The following RAPGEF5 variants were observed in gnomAD, a reference collection of about 807,000 sequenced individuals.
The protein encoded by RAPGEF5 is Rap guanine nucleotide exchange factor 5, also known as M-Ras-regulated GEF.
RAPGEF5 carries 65 observed loss-of-function variants against 125.2 expected under a neutral mutation model. That is an observed-to-expected ratio of 0.52 (90% confidence interval 0.43 to 0.64). The LOEUF (loss-of-function observed/expected upper bound fraction) is 0.64. Ranked by LOEUF, RAPGEF5 falls within the 30% of genes least tolerant of loss-of-function variation. The pLI is 0.00. For synonymous variants in RAPGEF5, 391 were observed against 385.9 expected (o/e 1.01, Z -0.16); for missense variants, 958 against 1,048.1 (o/e 0.91, Z 1.19).
chr7:22,344,638 T>G (rs576953816), intron 1 of RAPGEF5, among the ~76,000 whole-genome samples: 1 of 152,166 alleles, frequency 6.6e-6, no homozygotes, highest in African/African-American at 2.4e-5. Flanking sequence ...GTGATGAACA[T>G]CCACAAAGGC....
At chr7:22,263,572 A>G (rs1049130933) in intron 7 of RAPGEF5, among the ~76,000 whole-genome samples, 10 of 152,092 alleles carry the variant, frequency 6.6e-5, no homozygotes, top group Non-Finnish European at 1.2e-4. Flanking sequence ...TCTACTAAAA[A>G]TACAAAAATT....
At chr7:22,352,907 G>A (rs1030855528) in intron 1 of RAPGEF5, among the ~76,000 whole-genome samples, 8 of 152,148 alleles carry the variant, frequency 5.3e-5, no homozygotes, top group East Asian at 1.9e-4. Context: ...AGGCTACAAC[G>A]ATCTGTGATA....
In RAPGEF5 at chr7:22,232,291, T is replaced by C. The variant is rs1786077081; in HGVS notation, c.797-1372A>G. ...TGAGGTCACCCACTGTACTTATTGA[T>C]TCAGTTTACATTATTCTGTGTGCTT... On this transcript the variant is annotated intron_variant, in intron 7 of 25. Coordinates refer to ENST00000665637, the MANE Select transcript of RAPGEF5 (RefSeq NM_012294.5). 2.0e-5 allele frequency among the ~76,000 whole-genome samples: 3 copies of C among 151,332 alleles called. No individual in the cohort carries two copies. The South Asian group carries it at 6.3e-4, about 32-fold the overall frequency.
intron 13 of RAPGEF5, among the ~76,000 whole-genome samples, chr7:22,160,996 A>C (rs1783972195): frequency 6.6e-6 from 1 of 150,880 alleles, no homozygotes; most frequent in South Asian, 2.1e-4. Context: ...GGAGATCGAG[A>C]CCATCATGCC....
chr7:22,345,869 G>A (rs1251555165), intron 1 of RAPGEF5, among the ~76,000 whole-genome samples: 3 of 152,136 alleles, frequency 2.0e-5, no homozygotes, highest in Non-Finnish European at 4.4e-5. Flanking sequence ...TCTGTTTATG[G>A]CCAAACAAAC....
At chr7:22,217,834 G>A (rs1380102408) in intron 9 of RAPGEF5, among the ~76,000 whole-genome samples, 2 of 152,126 alleles carry the variant, frequency 1.3e-5, no homozygotes, top group Admixed American at 1.3e-4. Flanking sequence ...AAATGTTAGT[G>A]TTCTGTTTTA....
intron 7 of RAPGEF5, among the ~76,000 whole-genome samples, chr7:22,246,457 A>C (rs1404082782): frequency 6.6e-6 from 1 of 152,264 alleles, no homozygotes; most frequent in Middle Eastern, 3.4e-3. Flanking sequence ...TGACAAAATC[A>C]ACAAAAATAA....
At chr7:22,265,466 A>AT (rs1170771977) in intron 7 of RAPGEF5, among the ~76,000 whole-genome samples, 4 of 152,184 alleles carry the variant, frequency 2.6e-5, no homozygotes, top group Admixed American at 6.5e-5. Flanking sequence ...ATAATATTTC[A>AT]TTGTGTATAC....
At chr7:22,350,885 G>C (rs1165053924) in intron 1 of RAPGEF5, among the ~76,000 whole-genome samples, 2 of 152,170 alleles carry the variant, frequency 1.3e-5, no homozygotes, top group Non-Finnish European at 2.9e-5. Context: ...GATCAGGATA[G>C]TAGTTTGTCA....
intron 1 of RAPGEF5, among the ~76,000 whole-genome samples, chr7:22,326,769 T>C (rs1349243441): frequency 6.6e-6 from 1 of 152,136 alleles, no homozygotes; most frequent in Non-Finnish European, 1.5e-5. Context: ...GGTACAAAGT[T>C]CTAATTATAC....
chr7:22,171,647 C>T (rs931624009), intron 11 of RAPGEF5, among the ~76,000 whole-genome samples: 16 of 152,202 alleles, frequency 1.1e-4, no homozygotes, highest in Admixed American at 3.3e-4. Flanking sequence ...TACAGGTGTG[C>T]GCTACCACGC....
At chr7:22,160,666 G>C in intron 13 of RAPGEF5, 51 bp from the exon 14 acceptor site, 17 of 1,497,578 alleles carry the variant, frequency 1.1e-5, no homozygotes, top group Non-Finnish European at 1.5e-5. Flanking sequence ...CCATTTTGTA[G>C]GGATTAAGAC....
chr7:22,226,463 C>A (rs1444302692), intron 8 of RAPGEF5, among the ~76,000 whole-genome samples: 1 of 151,932 alleles, frequency 6.6e-6, no homozygotes, highest in Non-Finnish European at 1.5e-5. Flanking sequence ...AGTTCATAGT[C>A]AAAAAATAAT....
Position 22,291,877 on chromosome 7 carries a change from G to T in RAPGEF5, c.681-636C>A, listed in dbSNP as rs1782944310. Among the ~76,000 whole-genome samples, 5 of 151,958 alleles carry T rather than the reference G, an allele frequency of 3.3e-5. No individual in the cohort carries two copies. In the South Asian group the frequency reaches 1.0e-3, roughly 32 times the overall value. On this transcript the variant is annotated intron_variant, in intron 5 of 25. Coordinates refer to ENST00000665637, the MANE Select transcript of RAPGEF5 (RefSeq NM_012294.5). ...TCAGTTTGTTTGTTTGTTTGTTTGG[G>T]GAAAACAATCTTTTTAACTTAATTC...
chr7:22,190,276 G>T (rs1011902663), intron 11 of RAPGEF5, among the ~76,000 whole-genome samples: 25 of 152,094 alleles, frequency 1.6e-4, no homozygotes, highest in African/African-American at 5.8e-4. Context: ...CGTCTCAAAA[G>T]AAAGAAATTC....
At chr7:22,318,124 C>A (rs998103957) in intron 1 of RAPGEF5, 87 bp from the exon 2 acceptor site, 8 of 1,286,482 alleles carry the variant, frequency 6.2e-6, no homozygotes, top group Non-Finnish European at 8.3e-6. Flanking sequence ...GTGGCCAGGG[C>A]AGGCCTCTGC....
intron 11 of RAPGEF5, among the ~76,000 whole-genome samples, chr7:22,179,383 C>T (rs1225582193): frequency 6.6e-6 from 1 of 152,112 alleles, no homozygotes; most frequent in Non-Finnish European, 1.5e-5. Context: ...GTACTTATAG[C>T]TAACTAAACC....
chr7:22,270,573 A>G (rs547791338), intron 6 of RAPGEF5, among the ~76,000 whole-genome samples: 1 of 152,308 alleles, frequency 6.6e-6, no homozygotes, highest in South Asian at 2.1e-4. Context: ...CATGGTTTTT[A>G]TCCAATGAGG....
chr7:22,147,105 C>G, intron 18 of RAPGEF5, 86 bp from the exon 19 acceptor site: 1 of 1,496,660 alleles, frequency 6.7e-7, no homozygotes, highest in Non-Finnish European at 9.0e-7. Flanking sequence ...ACTAGAAGCT[C>G]AGATTAGCAA....
Sources: gnomAD v4.1 joint callset for allele counts (sites outside exome capture counted in the v4.1 genomes callset) on GRCh38, gnomAD v4.1.1 for gene constraint, MANE v1.5 for transcripts, NCBI Gene and HGNC (gene_info 2026-07-23, HGNC 2026-07-21) for gene names.